GGT7: variants seen among roughly 807,000 people sequenced by gnomAD.
GGT7 encodes the protein glutathione hydrolase 7.
A neutral mutation model predicts 69.2 loss-of-function variants in GGT7; 30 were observed. The ratio of observed to expected loss-of-function variants is 0.43; its 90% CI spans 0.32 to 0.59. The LOEUF (loss-of-function observed/expected upper bound fraction) is 0.59. Among genes scored for constraint, GGT7 ranks in the 20% least tolerant of loss-of-function variants. GGT7 has a pLI of 0.05. For missense variants in GGT7, 733 were observed against 901.1 expected (o/e 0.81, Z 2.39); for synonymous variants, 388 against 391.8 (o/e 0.99, Z 0.12).
At chr20:34,860,206 G>A (rs1226096364) in intron 5 of GGT7, 48 bp downstream of exon 5, 3 of 1,393,784 alleles carry the variant, frequency 2.2e-6, no homozygotes, top group East Asian at 4.6e-5. Context: ...GGCCACCCAA[G>A]GAGAGATGCA....
At chr20:34,857,309 G>T (rs2079509911) in intron 7 of GGT7, among the ~76,000 whole-genome samples, 1 of 152,128 alleles carries the variant, frequency 6.6e-6, no homozygotes, top group Admixed American at 6.6e-5. Context: ...TAAAAGGAAG[G>T]TTTTCTACTT....
intron 8 of GGT7, among the ~76,000 whole-genome samples, chr20:34,855,290 T>C (rs945990981): frequency 3.9e-5 from 6 of 152,188 alleles, no homozygotes; most frequent in African/African-American, 1.4e-4. Flanking sequence ...AGCTCTCCCA[T>C]AGGCCAGGAT....
chr20:34,851,343 C>T lies in GGT7; in HGVS notation c.1613G>A (p.Arg538Gln), dbSNP rs1167884227. The T allele has an allele frequency of 3.7e-6, 6 of 1,613,562 alleles. No individual in the cohort carries two copies. The highest frequency in any genetic ancestry group is 1.7e-4 in the Middle Eastern group (1 of 6,026). The stretch of plus-strand genomic sequence containing the variant: ...TGTGGGCAGCAGGAAAGAGAGTGGC[C>T]GCTTCCCTGGCTGCACTGAATTCTC... Reference protein sequence around the residue: ...SLENSVQPGKRPLSFLLPTVV... With the variant: ...SLENSVQPGKQPLSFLLPTVV... The change falls in exon 13 of 15, where the codon CGG (arginine) becomes CAG (glutamine). Residue 538 changes from arginine to glutamine, a missense_variant. Transcript: ENST00000336431.
chr20:34,846,153 C>T (rs1281578134), intron 14 of GGT7, among the ~76,000 whole-genome samples: 3 of 152,012 alleles, frequency 2.0e-5, no homozygotes, highest in Non-Finnish European at 2.9e-5. Flanking sequence ...GGGTCTTCAT[C>T]TCCACCTGCC....
At chr20:34,850,944 G>C in intron 13 of GGT7, 1 of 673,874 alleles carries the variant, frequency 1.5e-6, no homozygotes, top group Non-Finnish European at 2.7e-6. Flanking sequence ...TGGGACTTGA[G>C]GTTAACAGAA....
chr20:34,859,548 C>T lies in GGT7; in HGVS notation c.909G>A (p.Ser303=), dbSNP rs752531811. 55 of 1,612,404 alleles carry T rather than the reference C, an allele frequency of 3.4e-5. 1 individual carries two copies. Among genetic ancestry groups the T allele is most frequent in the Admixed American group, 1.2e-4 (7 of 59,856 alleles). The stretch of plus-strand genomic sequence containing the variant: ...CAGCCAGGTCGGGCCGATGCAGCAA[C>T]GAGCCAGGTAGTGGCGGGCGGCCCG... ...LPSGRPPLPG[S]LLHRPDLAEV... The change falls in exon 7 of 15, where the codon TCG becomes TCA. Residue 303 remains serine, a synonymous_variant. Coordinates refer to ENST00000336431, the MANE Select transcript of GGT7 (RefSeq NM_178026.3).
intron 3 of GGT7, among the ~76,000 whole-genome samples, chr20:34,862,147 G>C (rs1354748169): frequency 6.6e-6 from 1 of 152,188 alleles, no homozygotes. Flanking sequence ...AGAAGAGGAA[G>C]TGGTAGAAAC....
At position 34,861,669 on chromosome 20, in the gene GGT7, T is replaced by A. The variant is rs534380429; in HGVS notation, c.558-107A>T. 4.2e-4 allele frequency: 268 copies of A among 632,838 alleles called. 2 individuals are homozygous for A. In the African/African-American group the frequency reaches 4.5e-3, roughly 11 times the overall value. The allele number at this position is 632,838 out of a possible 1,614,324, so 39.2% of individuals were successfully genotyped here. On this transcript the variant is annotated intron_variant, in intron 3 of 14. Transcript: ENST00000336431. ...TGGTGAGAGCTGTAGGCTCAGTTTT[T>A]CATTTGGGGTCAGGTGTCTGAGCTC...
At chr20:34,859,731 GC>G in intron 6 of GGT7, 92 bp from the exon 7 acceptor site, 1 of 1,105,046 alleles carries the variant, frequency 9.0e-7, no homozygotes, top group Non-Finnish European at 1.3e-6. Flanking sequence ...GGGCTGAGTG[GC>G]CCACCCTAAG....
intron 1 of GGT7, among the ~76,000 whole-genome samples, chr20:34,869,467 C>T (rs996770933): frequency 3.3e-5 from 5 of 152,118 alleles, no homozygotes; most frequent in South Asian, 2.1e-4. Context: ...CCACTATGCC[C>T]GGCAGAATCA....
rs1601225776 is a variant in GGT7, at chr20:34,854,704, T to G, written c.1231-85A>C. 10 of 1,590,568 alleles carry G rather than the reference T, an allele frequency of 6.3e-6. No individual in the cohort carries two copies. The East Asian group carries it at 2.2e-4, about 36-fold the overall frequency. On this transcript the variant is annotated intron_variant, in intron 9 of 14. Transcript: ENST00000336431. ...GTGGACTTTCGTGTGTGAGAAAACT[T>G]GGAGGGGATTTAGTCCTGCCCTATG... is the stretch of plus-strand genomic sequence containing the variant.
Position 34,862,815 on chromosome 20 carries a change from C to T in GGT7, c.556G>A (p.Gly186Ser), listed in dbSNP as rs1306268177. The T allele has an allele frequency of 5.0e-6, 8 of 1,613,894 alleles. No homozygotes were observed. Among genetic ancestry groups the T allele is most frequent in the South Asian group, 3.3e-5 (3 of 91,078 alleles). ...IVAPHSSGLGGGGVMLVHDIR... is the reference protein window; with the variant it reads ...IVAPHSSGLGSGGVMLVHDIR... ...ACCCCGACCTCCACTGCTCCTTACCCGCCCAGGCCAGAACTGTGTGGAGCC... is the reference window on the plus strand; with the variant it reads ...ACCCCGACCTCCACTGCTCCTTACCTGCCCAGGCCAGAACTGTGTGGAGCC... The change falls in exon 3 of 15, where the codon GGT becomes AGT. Residue 186 changes from glycine (G) to serine (S), a missense_variant and splice_region_variant. Gly to Ser is a moderately conservative substitution (Grantham distance 56). Transcript: ENST00000336431.
chr20:34,849,351 C>A (rs571963295), intron 14 of GGT7, among the ~76,000 whole-genome samples: 8 of 93,516 alleles, frequency 8.6e-5, no homozygotes, highest in African/African-American at 2.4e-4. Flanking sequence ...TTTATAGAGA[C>A]GGGGGGGTGG....
chr20:34,861,434 AG>A lies in GGT7; in HGVS notation c.675+10del. On this transcript the variant is annotated intron_variant, in intron 4 of 14. Transcript: ENST00000336431. ...CTCCCCTGAACTCTCTCTTCTCACC[AG>A]GGTCCCCACCTTGGTCTCCCAGGAT... is the stretch of plus-strand genomic sequence containing the variant. 7.1e-7 allele frequency: 1 copy of A among 1,416,688 alleles called. No individual in the cohort carries two copies. The highest frequency in any genetic ancestry group is 1.8e-5 in the Admixed American group (1 of 54,694). 87.8% of individuals were successfully genotyped at this position (1,416,688 alleles called of 1,614,324 possible).
chr20:34,854,852 C>A lies in GGT7; in HGVS notation c.1174G>T (p.Gly392Cys), dbSNP rs1299070753. 1 of 1,614,022 alleles carries A rather than the reference C, an allele frequency of 6.2e-7. No homozygotes were observed. Among genetic ancestry groups the A allele is most frequent in the Non-Finnish European group, 8.5e-7 (1 of 1,179,916 alleles). ...ALISALNILE[G>C]FNLTSLVSRE... is the part of the protein sequence containing the mutation. ...GATACCAGGCTGGTGAGATTGAAGC[C>A]CTCCAGGATGTTGAGAGCACTGATG... Residue 392 changes from glycine to cysteine, a missense_variant, in exon 9 of 15, where the codon GGC becomes TGC. Transcript: ENST00000336431.
Position 34,852,536 on chromosome 20 carries a change from T to A in GGT7, c.1322A>T (p.Lys441Met), listed in dbSNP as rs748731847. 1.7e-5 allele frequency: 26 copies of A among 1,575,402 alleles called. No homozygotes were observed. Residue 441 changes from lysine (K) to methionine (M), a missense_variant and splice_region_variant, in exon 11 of 15, where the codon AAG becomes ATG. By Grantham distance (95) the Lys-to-Met change is moderately conservative. Coordinates refer to ENST00000336431, the MANE Select transcript of GGT7 (RefSeq NM_178026.3). ...GCCCCGGAGGTAGGCGGCCTCCACC[T>A]TGCTGAAAAGACAAGGGGTGGGAGA... The part of the protein sequence containing the change: ...ITESMDDMLS[K>M]VEAAYLRGHI...
intron 1 of GGT7, chr20:34,872,003 G>A (rs2079786781): frequency 6.6e-6 from 1 of 152,222 alleles, no homozygotes; most frequent in Non-Finnish European, 1.5e-5. Flanking sequence ...TTCCTAGGGA[G>A]CAGAGTACCT....
chr20:34,865,833 G>A (rs2079681772), intron 1 of GGT7, among the ~76,000 whole-genome samples: 1 of 152,118 alleles, frequency 6.6e-6, no homozygotes, highest in Non-Finnish European at 1.5e-5. Context: ...GTCCCTAAAT[G>A]GCCTAAAGGT....
chr20:34,845,613 A>T, intron 14 of GGT7, 122 bp from the exon 15 acceptor site: 1 of 793,050 alleles, frequency 1.3e-6, no homozygotes, highest in Admixed American at 2.4e-5. Flanking sequence ...ACCTTGGACA[A>T]ATCACTTTAC....
Sources: allele counts gnomAD v4.1 joint callset (sites outside exome capture counted in the v4.1 genomes callset), GRCh38; gene constraint gnomAD v4.1.1; transcripts MANE v1.5; gene names NCBI Gene and HGNC (gene_info 2026-07-23, HGNC 2026-07-21).